The following GRM5 variants were observed in gnomAD, a reference collection of about 807,000 sequenced individuals.
GRM5 encodes the protein glutamate metabotropic receptor 5, also known as metabotropic glutamate receptor 5.
A neutral mutation model predicts 83.1 loss-of-function variants in GRM5; 19 were observed. That is an observed-to-expected ratio of 0.23 (90% CI 0.16 to 0.34). GRM5 has a LOEUF of 0.34. Among genes scored for constraint, GRM5 ranks in the 10% least tolerant of loss-of-function variants. The probability of loss-of-function intolerance (pLI) is 1.00; values close to 1 mark genes in which losing one functional copy is unlikely to be tolerated. For synonymous variants in GRM5, 675 were observed against 633.6 expected (o/e 1.07, Z -0.98); for missense variants, 1,160 against 1,588.3 (o/e 0.73, Z 4.58).
intron 9 of GRM5, among the ~76,000 whole-genome samples, chr11:88,515,918 C>T (rs1242267192): frequency 6.6e-6 from 1 of 152,184 alleles, no homozygotes; most frequent in East Asian, 1.9e-4. Context: ...GAGGAGAATC[C>T]TGGAATGGTA....
At chr11:88,785,513 A>T (rs1943052169) in intron 3 of GRM5, among the ~76,000 whole-genome samples, 1 of 152,140 alleles carries the variant, frequency 6.6e-6, no homozygotes, top group African/African-American at 2.4e-5. Flanking sequence ...ACCTCAAAAC[A>T]TCTATAGTTA....
At chr11:88,656,610 T>C (rs963118014) in intron 3 of GRM5, among the ~76,000 whole-genome samples, 1 of 152,128 alleles carries the variant, frequency 6.6e-6, no homozygotes, top group Admixed American at 6.6e-5. Flanking sequence ...GTGTTTTTTA[T>C]TGGTGATTTC....
intron 1 of GRM5, among the ~76,000 whole-genome samples, chr11:89,060,092 A>G (rs1046867409): frequency 2.0e-5 from 3 of 152,102 alleles, no homozygotes; most frequent in African/African-American, 7.2e-5. Context: ...ACTCACTGGA[A>G]ACCACAGTAA....
chr11:88,863,723 T>C (rs562833505), intron 2 of GRM5, among the ~76,000 whole-genome samples: 3,976 of 152,172 alleles, frequency 0.026, 177 homozygotes, highest in African/African-American at 0.089. Context: ...CTTTTATTTT[T>C]TTATAGCTTA....
At chr11:89,004,890 C>G (rs986501040) in intron 2 of GRM5, among the ~76,000 whole-genome samples, 1 of 152,214 alleles carries the variant, frequency 6.6e-6, no homozygotes, top group African/African-American at 2.4e-5. Flanking sequence ...TTTAAAGACA[C>G]TGTCCTTCAA....
intron 2 of GRM5, among the ~76,000 whole-genome samples, chr11:88,961,936 T>C (rs1938797194): frequency 6.6e-6 from 1 of 152,240 alleles, no homozygotes; most frequent in Non-Finnish European, 1.5e-5. Context: ...TAATAGCAGT[T>C]ACTGTTTATG....
chr11:88,877,920 G>A (rs1168411548), intron 2 of GRM5, among the ~76,000 whole-genome samples: 1 of 151,968 alleles, frequency 6.6e-6, no homozygotes, highest in Non-Finnish European at 1.5e-5. Flanking sequence ...ACGAGTTAGT[G>A]GGTGCAGCGC....
chr11:88,558,111 G>A (rs751955011), intron 8 of GRM5, among the ~76,000 whole-genome samples: 1 of 152,058 alleles, frequency 6.6e-6, no homozygotes, highest in Non-Finnish European at 1.5e-5. Context: ...CCAGAACTCA[G>A]CAATGTACCC....
At chr11:88,986,855 T>C (rs994693121) in intron 2 of GRM5, among the ~76,000 whole-genome samples, 1 of 151,916 alleles carries the variant, frequency 6.6e-6, no homozygotes, top group Non-Finnish European at 1.5e-5. Context: ...ATCTCACATT[T>C]AAGTCTTTAA....
intron 4 of GRM5, among the ~76,000 whole-genome samples, chr11:88,636,900 C>T (rs990927921): frequency 6.6e-6 from 1 of 152,060 alleles, no homozygotes; most frequent in African/African-American, 2.4e-5. Context: ...TGTTCTGTTC[C>T]ATTGATCTAT....
chr11:88,842,187 A>G (rs866632046), intron 3 of GRM5, among the ~76,000 whole-genome samples: 4 of 152,176 alleles, frequency 2.6e-5, no homozygotes, highest in Middle Eastern at 3.2e-3. Context: ...TTCATTTATC[A>G]CACATATTTT....
At chr11:88,705,835 T>C (rs924418480) in intron 3 of GRM5, among the ~76,000 whole-genome samples, 1 of 152,050 alleles carries the variant, frequency 6.6e-6, no homozygotes, top group Non-Finnish European at 1.5e-5. Context: ...CACCCAAGAA[T>C]CTGTCTCCAT....
At chr11:88,797,604 A>G (rs536468067) in intron 3 of GRM5, among the ~76,000 whole-genome samples, 1 of 152,330 alleles carries the variant, frequency 6.6e-6, no homozygotes, top group African/African-American at 2.4e-5. Context: ...AGCAGAAACT[A>G]GAATTTAGTA....
intron 2 of GRM5, among the ~76,000 whole-genome samples, chr11:88,954,568 G>C (rs1017643714): frequency 1.3e-5 from 2 of 152,164 alleles, no homozygotes; most frequent in African/African-American, 4.8e-5. Context: ...GATAGAAATG[G>C]TCTATAAATC....
At position 88,508,501 on chromosome 11, in the gene GRM5, C is replaced by T; in HGVS notation, c.*91G>A. ...TGCCCTTGGCATCTTCCCCCTGGGCCGTAACCAGGCGACTATGCTTGCCAT... is the reference window on the plus strand; with the variant it reads ...TGCCCTTGGCATCTTCCCCCTGGGCTGTAACCAGGCGACTATGCTTGCCAT... On this transcript the variant is annotated 3_prime_UTR_variant, in exon 10 of 10. Coordinates refer to ENST00000305447, the MANE Select transcript of GRM5 (RefSeq NM_001143831.3). This position sits in a 1 kb window ranked among gnomAD's most constrained non-coding sequence, Gnocchi z 4.2. 4 of 1,038,220 alleles carry T rather than the reference C, an allele frequency of 3.9e-6. No homozygotes were observed. The highest frequency in any genetic ancestry group is 1.5e-5 in the South Asian group (1 of 65,960). 64.3% of individuals were successfully genotyped at this position (1,038,220 alleles called of 1,614,324 possible). A position where few individuals can be genotyped will look rare whatever the true frequency, so the allele number is the denominator to read the frequency against.
intron 4 of GRM5, among the ~76,000 whole-genome samples, chr11:88,646,813 T>G (rs1469912032): frequency 6.6e-6 from 1 of 151,500 alleles, no homozygotes; most frequent in East Asian, 1.9e-4. Flanking sequence ...CCTAGGATAC[T>G]TGCAGGTTCT....
intron 3 of GRM5, among the ~76,000 whole-genome samples, chr11:88,725,344 C>CTCTAGATTACTGCCTCTCTAGATT (rs1387279791): frequency 3.3e-5 from 5 of 152,166 alleles, no homozygotes; most frequent in Non-Finnish European, 4.4e-5. Flanking sequence ...GATTACTCCT[C>CTCTAGATTACTGCCTCTCTAGATT]ACTGGTCAGG....
At chr11:88,947,532 T>C (rs961760780) in intron 2 of GRM5, among the ~76,000 whole-genome samples, 29 of 151,818 alleles carry the variant, frequency 1.9e-4, no homozygotes, top group African/African-American at 7.0e-4. Context: ...CTTGCATTGT[T>C]AGTTTTTTTT....
In GRM5 at chr11:88,508,945, A is replaced by T. The variant is rs370676453; in HGVS notation, c.3286T>A (p.Ser1096Thr). The T allele has an allele frequency of 5.6e-6, 9 of 1,597,232 alleles. No individual in the cohort carries two copies. In the African/African-American group the frequency reaches 1.2e-4, roughly 21 times the overall value. The change falls in exon 10 of 10, where the codon TCC (serine) becomes ACC (threonine). Residue 1096 changes from serine (S) to threonine (T), a missense_variant. By Grantham distance (58) the Ser-to-Thr change is moderately conservative. Around this residue, in one of 9 missense-constraint regions of GRM5, gnomAD observed 562 missense variants for 532.4 expected, o/e 1.06. Transcript: ENST00000305447. The surrounding 1 kb of genome is among the most constrained non-coding windows in gnomAD (Gnocchi z 4.2). ...TGGATCTCTTTGGGGATCAGGTAGG[A>T]CGAGCAGAGCGGGGCGCCGACGCCG... Reference protein sequence around the residue: ...SPGVGAPLCSSYLIPKEIQLP... With the variant: ...SPGVGAPLCSTYLIPKEIQLP...
Sources: gnomAD v4.1 joint callset for allele counts (sites outside exome capture counted in the v4.1 genomes callset) on GRCh38, gnomAD v4.1.1 for gene constraint, gnomAD v4.1.1 regional missense constraint, Gnocchi (gnomAD v3.1) non-coding constraint, MANE v1.5 for transcripts, NCBI Gene and HGNC (gene_info 2026-07-23, HGNC 2026-07-21) for gene names.